The following EXOC2 variants were observed in gnomAD, a reference collection of about 807,000 sequenced individuals.
EXOC2 encodes exocyst complex component 2.
In EXOC2, 70 loss-of-function variants were observed where a neutral mutation model predicts 131.8. The ratio of observed to expected loss-of-function variants is 0.53; its 90% CI spans 0.44 to 0.65. The LOEUF (loss-of-function observed/expected upper bound fraction) is 0.65. Ranked by LOEUF, EXOC2 falls within the 30% of genes least tolerant of loss-of-function variation. The pLI, the probability that EXOC2 is intolerant of heterozygous loss-of-function variation, is 0.00. For synonymous variants in EXOC2, 411 were observed against 398.4 expected, an observed-to-expected ratio of 1.03 and a Z score of -0.38; for missense variants, 923 against 1,108.6, an observed-to-expected ratio of 0.83 and a Z score of 2.38.
chr6:639,584 A>C (rs1762261909), intron 1 of EXOC2, among the ~76,000 whole-genome samples: 1 of 152,158 alleles, frequency 6.6e-6, no homozygotes, highest in Admixed American at 6.5e-5. Flanking sequence ...GAAACTGAAG[A>C]GTCCTAGGAA....
At chr6:566,771 C>T (rs1412332089) in intron 13 of EXOC2, among the ~76,000 whole-genome samples, 1 of 152,172 alleles carries the variant, frequency 6.6e-6, no homozygotes, top group Non-Finnish European at 1.5e-5. Context: ...CTTCCAAAGT[C>T]TATCTCCAGC....
chr6:538,445 A>C (rs1766595303), intron 22 of EXOC2, among the ~76,000 whole-genome samples: 1 of 152,186 alleles, frequency 6.6e-6, no homozygotes, highest in African/African-American at 2.4e-5. Context: ...TTAACTTTAA[A>C]AACATCCTGA....
At chr6:651,795 C>A (rs147750676) in intron 1 of EXOC2, among the ~76,000 whole-genome samples, 51 of 150,422 alleles carry the variant, frequency 3.4e-4, no homozygotes, top group Non-Finnish European at 2.5e-4. Flanking sequence ...CAGTGGCTCA[C>A]GCCTGTAACC....
intron 4 of EXOC2, among the ~76,000 whole-genome samples, 178 bp downstream of exon 4, chr6:629,657 A>G (rs1352408600): frequency 6.6e-6 from 1 of 152,226 alleles, no homozygotes; most frequent in Non-Finnish European, 1.5e-5. Context: ...ACTAACTGCA[A>G]AGTTTACTTG....
chr6:520,680 C>G (rs1444407867), intron 23 of EXOC2, among the ~76,000 whole-genome samples: 2 of 107,958 alleles, frequency 1.9e-5, no homozygotes, highest in African/African-American at 4.0e-5. Flanking sequence ...AACCACCCAC[C>G]GAGCGCCGAC....
intron 1 of EXOC2, among the ~76,000 whole-genome samples, chr6:687,675 T>C (rs901829094): frequency 6.6e-6 from 1 of 152,226 alleles, no homozygotes; most frequent in Non-Finnish European, 1.5e-5. Flanking sequence ...ACACTTGCTA[T>C]GTCCCAGGCA....
intron 1 of EXOC2, among the ~76,000 whole-genome samples, chr6:678,475 C>T (rs993209731): frequency 9.2e-5 from 14 of 152,336 alleles, no homozygotes; most frequent in Admixed American, 7.2e-4. Context: ...GGGCCAGGTG[C>T]GTCATTAGCT....
At chr6:603,137 T>C (rs963036697) in intron 7 of EXOC2, among the ~76,000 whole-genome samples, 1 of 152,082 alleles carries the variant, frequency 6.6e-6, no homozygotes, top group African/African-American at 2.4e-5. Flanking sequence ...TTGCTGTGAA[T>C]TGGAGAGGTC....
intron 1 of EXOC2, among the ~76,000 whole-genome samples, chr6:684,368 A>G (rs997312708): frequency 1.1e-4 from 17 of 152,212 alleles, no homozygotes; most frequent in African/African-American, 4.1e-4. Flanking sequence ...CCAATTTAGT[A>G]GCTGATGAAG....
chr6:637,616 C>T, intron 2 of EXOC2, 85 bp downstream of exon 2: 1 of 1,013,160 alleles, frequency 9.9e-7, no homozygotes. Context: ...CTATCACCTT[C>T]ACTGTTTGAA....
chr6:543,238 G>T (rs908411846), intron 22 of EXOC2, among the ~76,000 whole-genome samples: 21 of 152,186 alleles, frequency 1.4e-4, no homozygotes, highest in African/African-American at 4.8e-4. Flanking sequence ...ATGGATGAAT[G>T]AATTTTAAAA....
chr6:512,266 A>T (rs1047630205), intron 23 of EXOC2, among the ~76,000 whole-genome samples: 2 of 152,240 alleles, frequency 1.3e-5, no homozygotes, highest in Non-Finnish European at 2.9e-5. Context: ...GGGTCCACCC[A>T]TAGGTGGGTT....
chr6:663,142 A>C (rs1763493840), intron 1 of EXOC2, among the ~76,000 whole-genome samples: 2 of 152,256 alleles, frequency 1.3e-5, no homozygotes, highest in African/African-American at 4.8e-5. Context: ...GAAATACAAA[A>C]GATCCCTCAA....
intron 11 of EXOC2, among the ~76,000 whole-genome samples, chr6:581,680 A>G (rs1758913564): frequency 6.6e-6 from 1 of 152,192 alleles, no homozygotes; most frequent in Non-Finnish European, 1.5e-5. Context: ...TATTTTGTCA[A>G]TATGTCAAAG....
chr6:623,153 C>T (rs1295658103), intron 4 of EXOC2, among the ~76,000 whole-genome samples: 2 of 152,214 alleles, frequency 1.3e-5, no homozygotes, highest in Non-Finnish European at 2.9e-5. Context: ...ACATCCCGTG[C>T]ACCACAGGCC....
intron 20 of EXOC2, among the ~76,000 whole-genome samples, chr6:554,865 C>T (rs760246335): frequency 6.6e-6 from 1 of 152,220 alleles, no homozygotes; most frequent in Non-Finnish European, 1.5e-5. Context: ...ATTCTACCAA[C>T]ATGCTTAGTC....
chr6:612,015 T>C (rs532281921), intron 6 of EXOC2, among the ~76,000 whole-genome samples: 1 of 152,374 alleles, frequency 6.6e-6, no homozygotes, highest in African/African-American at 2.4e-5. Flanking sequence ...TTTATGTAAA[T>C]ATCATTGTTA....
chr6:589,021 T>C (rs1420231108), intron 11 of EXOC2, among the ~76,000 whole-genome samples: 1 of 152,208 alleles, frequency 6.6e-6, no homozygotes, highest in Non-Finnish European at 1.5e-5. Context: ...AAAAAGTCCA[T>C]ATGTTGTCTT....
intron 11 of EXOC2, among the ~76,000 whole-genome samples, chr6:585,950 G>C (rs1405244597): frequency 6.6e-6 from 1 of 152,110 alleles, no homozygotes; most frequent in African/African-American, 2.4e-5. Flanking sequence ...CTTAAAACTT[G>C]TTTTCTTTAT....
Sources: allele counts gnomAD v4.1 joint callset (sites outside exome capture counted in the v4.1 genomes callset), GRCh38; gene constraint gnomAD v4.1.1; transcripts MANE v1.5; gene names NCBI Gene and HGNC (gene_info 2026-07-23, HGNC 2026-07-21).